Variants in RGS9 observed in about 807,000 individuals in gnomAD.
RGS9 encodes regulator of G-protein signalling 9.
Under a neutral mutation model 102.0 loss-of-function variants are expected in RGS9, and 78 were observed. The ratio of observed to expected loss-of-function variants is 0.76; its 90% CI spans 0.64 to 0.92. The LOEUF is 0.92. Ranked by LOEUF, RGS9 falls within the 40% of genes least tolerant of loss-of-function variation. The probability of loss-of-function intolerance (pLI) is 0.00; values close to 1 mark genes in which losing one functional copy is unlikely to be tolerated. For missense variants in RGS9, 833 were observed against 866.1 expected, an observed-to-expected ratio of 0.96 and a Z score of 0.48; for synonymous variants, 353 against 318.6, an observed-to-expected ratio of 1.11 and a Z score of -1.15.
At position 65,227,316 on chromosome 17, in the gene RGS9, C is replaced by G; in HGVS notation, c.1934C>G (p.Thr645Ser). 6.2e-7 allele frequency: 1 copy of G among 1,614,154 alleles called. No individual in the cohort carries two copies. The highest frequency in any genetic ancestry group is 1.7e-5 in the Admixed American group (1 of 60,016). The change falls in exon 19 of 19, where the codon ACC (threonine) becomes AGC (serine). Residue 645 changes from threonine (T) to serine (S), a missense_variant. Physicochemically the swap from Thr to Ser is moderately conservative, Grantham distance 58. Around this residue, in one of 3 missense-constraint regions of RGS9, gnomAD observed 320 missense variants for 276.8 expected, o/e 1.16. Transcript: ENST00000262406. ...ATGGATGTGCCCACGGGGAGCGGGA[C>G]CTGCTTGATGGACTCGGAGGATGCT... ...IKMDVPTGSGTCLMDSEDAGT... is the reference protein window; with the variant it reads ...IKMDVPTGSGSCLMDSEDAGT...
At chr17:65,141,647 G>A (rs1403725407) in intron 1 of RGS9, among the ~76,000 whole-genome samples, 4 of 152,222 alleles carry the variant, frequency 2.6e-5, no homozygotes, top group Non-Finnish European at 4.4e-5. Flanking sequence ...TAAACAAGGA[G>A]ACAAGAAGTG....
At chr17:65,158,621 G>A in intron 3 of RGS9, 1 of 519,600 alleles carries the variant, frequency 1.9e-6, no homozygotes, top group Non-Finnish European at 3.5e-6. Flanking sequence ...TGTATAGCTG[G>A]TCTTGAAAGA....
At chr17:65,210,665 C>G (rs778825958) in intron 17 of RGS9, 60 bp downstream of exon 17, 1 of 1,605,470 alleles carries the variant, frequency 6.2e-7, no homozygotes, top group Non-Finnish European at 8.5e-7. Flanking sequence ...CTAAATAAAT[C>G]TGTGATTCCT....
At chr17:65,170,625 C>T (rs984238210) in intron 8 of RGS9, among the ~76,000 whole-genome samples, 4 of 152,264 alleles carry the variant, frequency 2.6e-5, no homozygotes, top group Non-Finnish European at 4.4e-5. Flanking sequence ...GTCATTAGAA[C>T]GTTGCCTGGG....
At chr17:65,215,980 G>A (rs1913511210) in intron 17 of RGS9, among the ~76,000 whole-genome samples, 2 of 152,054 alleles carry the variant, frequency 1.3e-5, no homozygotes, top group Admixed American at 6.6e-5. Flanking sequence ...GACTCATAGC[G>A]GAGCAAGCAG....
intron 1 of RGS9, among the ~76,000 whole-genome samples, chr17:65,139,378 A>G (rs1379621407): frequency 6.6e-6 from 1 of 150,682 alleles, no homozygotes; most frequent in Non-Finnish European, 1.5e-5. Context: ...GGCTTCCCAC[A>G]TTCCCAGCAT....
At chr17:65,184,859 G>GTC (rs55810439) in intron 9 of RGS9, among the ~76,000 whole-genome samples, 58 of 138,386 alleles carry the variant, frequency 4.2e-4, no homozygotes, top group African/African-American at 4.8e-4. Context: ...CCTTCTCACT[G>GTC]TCTCTCTCTC....
intron 3 of RGS9, 96 bp from the exon 4 acceptor site, chr17:65,160,137 G>A: frequency 1.1e-6 from 1 of 916,572 alleles, no homozygotes; most frequent in Non-Finnish European, 1.8e-6. Context: ...GTTAGGAAGG[G>A]GCACCTGTCC....
At chr17:65,213,262 A>G (rs1913369757) in intron 17 of RGS9, among the ~76,000 whole-genome samples, 1 of 152,238 alleles carries the variant, frequency 6.6e-6, no homozygotes, top group African/African-American at 2.4e-5. Flanking sequence ...ATATTATGAA[A>G]TAGAATGTAA....
chr17:65,190,946 G>A (rs116366801), intron 11 of RGS9, among the ~76,000 whole-genome samples: 2,862 of 152,220 alleles, frequency 0.019, 36 homozygotes, highest in South Asian at 0.032. Flanking sequence ...GGTACTAATC[G>A]GGACTGAAGA....
chr17:65,209,489 A>T (rs1339705361), intron 16 of RGS9, among the ~76,000 whole-genome samples: 1 of 152,212 alleles, frequency 6.6e-6, no homozygotes, highest in Non-Finnish European at 1.5e-5. Flanking sequence ...TCTTGGCTCC[A>T]AGCTTACGTG....
intron 7 of RGS9, among the ~76,000 whole-genome samples, chr17:65,166,838 A>T (rs1330737785): frequency 2.6e-5 from 4 of 152,218 alleles, no homozygotes; most frequent in Non-Finnish European, 4.4e-5. Flanking sequence ...GTCAGGGGGA[A>T]GTTTGAAAAC....
chr17:65,215,707 CCCA>C (rs1280445350), intron 17 of RGS9, among the ~76,000 whole-genome samples: 3 of 152,026 alleles, frequency 2.0e-5, no homozygotes, highest in African/African-American at 7.2e-5. Context: ...ATTACAGGCA[CCCA>C]CCACCACGCC....
chr17:65,215,064 C>G (rs920377609), intron 17 of RGS9, among the ~76,000 whole-genome samples: 6 of 152,320 alleles, frequency 3.9e-5, no homozygotes, highest in African/African-American at 1.4e-4. Flanking sequence ...GGGCTAGACA[C>G]AGCATGGGCT....
At chr17:65,162,297 G>C (rs552442565) in intron 6 of RGS9, among the ~76,000 whole-genome samples, 9 of 151,992 alleles carry the variant, frequency 5.9e-5, no homozygotes, top group Non-Finnish European at 1.0e-4. Context: ...CAGGAGAATG[G>C]CTTGAGCCCA....
At chr17:65,176,037 T>G (rs776230922) in intron 8 of RGS9, among the ~76,000 whole-genome samples, 1 of 152,206 alleles carries the variant, frequency 6.6e-6, no homozygotes, top group Non-Finnish European at 1.5e-5. Flanking sequence ...GAGGCTGAAT[T>G]TGATGGCAAG....
chr17:65,221,075 A>G (rs1913691053), intron 17 of RGS9, among the ~76,000 whole-genome samples: 1 of 152,232 alleles, frequency 6.6e-6, no homozygotes, highest in African/African-American at 2.4e-5. Flanking sequence ...ACGGGTGGAA[A>G]AGACATCTGC....
At chr17:65,156,003 G>A (rs1164179566) in intron 2 of RGS9, among the ~76,000 whole-genome samples, 1 of 151,712 alleles carries the variant, frequency 6.6e-6, no homozygotes, top group African/African-American at 2.4e-5. Context: ...TGACTCCAGA[G>A]TCCATATATA....
chr17:65,170,323 G>A (rs1164914758), intron 8 of RGS9, among the ~76,000 whole-genome samples: 3 of 152,134 alleles, frequency 2.0e-5, no homozygotes, highest in Admixed American at 6.5e-5. Flanking sequence ...AAAGTGCTGG[G>A]ATTACAGGCG....
Sources: gnomAD v4.1 joint callset for allele counts (sites outside exome capture counted in the v4.1 genomes callset) on GRCh38, gnomAD v4.1.1 for gene constraint, gnomAD v4.1.1 regional missense constraint, MANE v1.5 for transcripts, NCBI Gene and HGNC (gene_info 2026-07-23, HGNC 2026-07-21) for gene names.